The following CHRNA4 variants were observed in gnomAD, a reference collection of about 807,000 sequenced individuals.
CHRNA4 encodes cholinergic receptor nicotinic alpha 4 subunit.
A neutral mutation model predicts 48.9 loss-of-function variants in CHRNA4; 28 were observed. The ratio of observed to expected loss-of-function variants is 0.57; its 90% CI spans 0.42 to 0.79. The LOEUF is 0.79. CHRNA4 is among the 30% of genes least tolerant of loss of function. The pLI is 0.00. For synonymous variants in CHRNA4, 425 were observed against 402.3 expected (o/e 1.06, Z -0.68); for missense variants, 859 against 898.4 (o/e 0.96, Z 0.56).
rs1317529556 is a variant in CHRNA4 at position 63,349,999 on chromosome 20, A to G, written c.1412T>C (p.Met471Thr). 3.9e-6 allele frequency: 6 copies of G among 1,545,724 alleles called. No homozygotes were observed. The African/African-American group carries it at 4.1e-5, about 11-fold the overall frequency. The stretch of plus-strand genomic sequence containing the variant: ...TTCCACCGCTTCGCCAGGGCTGGAC[A>G]TGTGCTGGACGCTGAGGGACCTGGC... ...AKARSLSVQH[M>T]SSPGEAVEGG... The change falls in exon 5 of 6, where the codon ATG becomes ACG. Residue 471 changes from methionine to threonine, a missense_variant. By Grantham distance (81) the Met-to-Thr change is moderately conservative (BLOSUM62 -1). Transcript: ENST00000370263.
At chr20:63,355,508 C>T in intron 4 of CHRNA4, 1 of 1,290,268 alleles carries the variant, frequency 7.8e-7, no homozygotes, top group Non-Finnish European at 1.0e-6. Context: ...CTCTCCAGGG[C>T]ACCCTGCAGT....
chr20:63,346,503 C>T lies in CHRNA4; in HGVS notation c.*235G>A. On this transcript the variant is annotated 3_prime_UTR_variant, in exon 6 of 6. Transcript: ENST00000370263. ...AAGGCGCCGACCCCCACCTCTGCTCCAAGCCACTGCCTCCTGAGGCCACAG... is the reference window on the plus strand; with the variant it reads ...AAGGCGCCGACCCCCACCTCTGCTCTAAGCCACTGCCTCCTGAGGCCACAG... 2 of 693,774 alleles carry T rather than the reference C, an allele frequency of 2.9e-6. No individual in the cohort carries two copies. The highest frequency in any genetic ancestry group is 2.6e-6 in the Non-Finnish European group (1 of 386,464). The allele number at this position is 693,774 out of a possible 1,614,324, so 43.0% of individuals were successfully genotyped here.
rs1225894222 is a variant in CHRNA4, at chr20:63,361,246, TGCCTCCCGC to T, written c.-90_-82del. 5.6e-6 allele frequency: 8 copies of T among 1,425,778 alleles called. No individual in the cohort carries two copies. The African/African-American group carries it at 7.6e-5, about 13-fold the overall frequency. 88.3% of individuals were successfully genotyped at this position (1,425,778 alleles called of 1,614,324 possible). A position where few individuals can be genotyped will look rare whatever the true frequency, so the allele number is the denominator to read the frequency against. Reference sequence around the variant, plus strand: ...CGAGGCCCGTGCGCGCCCAACTTCATGCCTCCCGCGCCTCGCGGGCCGCTTCGGCCGCCG... The same window carrying T: ...CGAGGCCCGTGCGCGCCCAACTTCATGCCTCGCGGGCCGCTTCGGCCGCCG... On this transcript the variant is annotated 5_prime_UTR_variant, in exon 1 of 6. Coordinates refer to ENST00000370263, the MANE Select transcript of CHRNA4 (RefSeq NM_000744.7).
chr20:63,359,888 G>T, intron 1 of CHRNA4, 189 bp from the exon 2 acceptor site: 1 of 515,250 alleles, frequency 1.9e-6, no homozygotes, highest in Non-Finnish European at 3.4e-6. Context: ...TGTGTGTGCC[G>T]GGCGTGTGCT....
chr20:63,353,465 A>AGGGGAGCTGTGGTCCTG (rs2068646809), intron 4 of CHRNA4, among the ~76,000 whole-genome samples: 2 of 35,088 alleles, frequency 5.7e-5, no homozygotes, highest in Non-Finnish European at 5.7e-5. Context: ...CTGTGGTCCT[A>AGGGGAGCTGTGGTCCTG]GGGGGGCTGT....
Position 63,350,342 on chromosome 20 carries a change from G to A in CHRNA4, c.1069C>T (p.Leu357Phe), listed in dbSNP as rs1215991666. 2 of 1,613,570 alleles carry A rather than the reference G, an allele frequency of 1.2e-6. No individual in the cohort carries two copies. Among genetic ancestry groups the A allele is most frequent in the Admixed American group, 3.3e-5 (2 of 60,024 alleles). Residue 357 changes from leucine (L) to phenylalanine (F), a missense_variant, in exon 5 of 6, where the codon CTC becomes TTC. By Grantham distance (22) the Leu-to-Phe change is conservative. Transcript: ENST00000370263. ...VFLDIVPRLLLMKRPSVVKDN... is the reference protein window; with the variant it reads ...VFLDIVPRLLFMKRPSVVKDN... Reference sequence around the variant, plus strand: ...TTGACCACGGACGGCCGCTTCATGAGGAGCAGGCGTGGCACGATGTCCAGG... The same window carrying A: ...TTGACCACGGACGGCCGCTTCATGAAGAGCAGGCGTGGCACGATGTCCAGG...
intron 4 of CHRNA4, chr20:63,355,427 G>T: frequency 9.9e-7 from 1 of 1,007,216 alleles, no homozygotes; most frequent in Non-Finnish European, 1.4e-6. Context: ...GACATGTCCT[G>T]GGCAGAGCGT....
intron 4 of CHRNA4, among the ~76,000 whole-genome samples, chr20:63,353,077 C>T (rs1275502728): frequency 5.9e-5 from 9 of 152,352 alleles, no homozygotes; most frequent in Non-Finnish European, 7.4e-5. Context: ...TGGCGTGAGA[C>T]CCTCTGTCCC....
Position 63,358,906 on chromosome 20 carries a change from G to A in CHRNA4, c.228+642C>T, listed in dbSNP as rs534893969. Among the ~76,000 whole-genome samples the A allele has an allele frequency of 8.5e-4, 128 of 151,448 alleles. 1 individual carries two copies. The highest frequency in any genetic ancestry group is 1.6e-3 in the Non-Finnish European group (111 of 67,892). ...AACCGAGCACAAGGCCGAGCCTCCC[G>A]CAGCTCAGTTCTCTCAGCCTCGAAG... On this transcript the variant is annotated intron_variant, in intron 2 of 5. Coordinates refer to ENST00000370263, the MANE Select transcript of CHRNA4 (RefSeq NM_000744.7).
chr20:63,353,055 G>C (rs1429488280), intron 4 of CHRNA4, among the ~76,000 whole-genome samples: 1 of 152,228 alleles, frequency 6.6e-6, no homozygotes, highest in Non-Finnish European at 1.5e-5. Context: ...TCCTGCTCCA[G>C]GGCCCACAGG....
At position 63,350,643 on chromosome 20, in the gene CHRNA4, G is replaced by A. The variant is rs774288629; in HGVS notation, c.768C>T (p.Leu256=). ...YTINLIIPCL[L]ISCLTVLVFY... Reference sequence around the variant, plus strand: ...AGACCAGCACGGTGAGGCAGGAGATGAGCAGGCAGGGGATGATGAGGTTGA... The same window carrying A: ...AGACCAGCACGGTGAGGCAGGAGATAAGCAGGCAGGGGATGATGAGGTTGA... Residue 256 remains leucine (L), a synonymous_variant, in exon 5 of 6, where the codon CTC becomes CTT. Transcript: ENST00000370263. 1.3e-5 allele frequency: 21 copies of A among 1,614,078 alleles called. No homozygotes were observed. In the South Asian group the frequency reaches 2.2e-4, roughly 17 times the overall value.
In CHRNA4 at chr20:63,349,777, G is replaced by A. The variant is rs121912282; in HGVS notation, c.1634C>T (p.Thr545Met). 103 of 1,610,432 alleles carry A rather than the reference G, an allele frequency of 6.4e-5. No individual in the cohort carries two copies. The highest frequency in any genetic ancestry group is 1.6e-4 in the Middle Eastern group (1 of 6,076). Residue 545 changes from threonine to methionine, a missense_variant, in exon 5 of 6, where the codon ACG becomes ATG. Thr to Met is a moderately conservative substitution (Grantham distance 81). Transcript: ENST00000370263. ...CGCTTTGGTGCTGCGGGTCTTGACC[G>A]TGGCGCTCGGGGACACCGAAGAGGG... ...KEPSSVSPSA[T>M]VKTRSTKAPP...
intron 4 of CHRNA4, among the ~76,000 whole-genome samples, chr20:63,352,248 G>A (rs560115870): frequency 6.6e-6 from 1 of 152,254 alleles, no homozygotes; most frequent in East Asian, 1.9e-4. Context: ...CTTCCTCTGT[G>A]CCTGCCCCCG....
chr20:63,354,092 G>A (rs2068676287), intron 4 of CHRNA4, among the ~76,000 whole-genome samples: 1 of 124,540 alleles, frequency 8.0e-6, no homozygotes, highest in Admixed American at 7.7e-5. Context: ...CAGTTCTGCA[G>A]GAGGCACTGT....
At chr20:63,358,385 C>T (rs2068751105) in intron 2 of CHRNA4, among the ~76,000 whole-genome samples, 1 of 152,220 alleles carries the variant, frequency 6.6e-6, no homozygotes, top group Non-Finnish European at 1.5e-5. Flanking sequence ...CCCAGGGTTA[C>T]CCAACACGCA....
In CHRNA4 at chr20:63,350,652, G is replaced by A; in HGVS notation, c.759C>T (p.Pro253=). The A allele has an allele frequency of 6.2e-7, 1 of 1,614,074 alleles. No homozygotes were observed. Among genetic ancestry groups the A allele is most frequent in the East Asian group, 2.2e-5 (1 of 44,878 alleles). Residue 253 remains proline (P), a synonymous_variant, in exon 5 of 6, where the codon CCC becomes CCT. Transcript: ENST00000370263. ...PLFYTINLII[P]CLLISCLTVL... is the part of the protein sequence containing the mutation. ...CGGTGAGGCAGGAGATGAGCAGGCA[G>A]GGGATGATGAGGTTGATGGTGTAGA... is the stretch of plus-strand genomic sequence containing the variant.
rs1381359197 is a variant in CHRNA4 at position 63,344,786 on chromosome 20, T to C, written c.*1952A>G. ...TTCCATGGCCCCGGGATGACCTCAC[T>C]CTCCCAGGGTCTCCCTGCGTCCTGG... On this transcript the variant is annotated 3_prime_UTR_variant, in exon 6 of 6. Coordinates refer to ENST00000370263, the MANE Select transcript of CHRNA4 (RefSeq NM_000744.7). The surrounding 1 kb of genome is among the most constrained non-coding windows in gnomAD (Gnocchi z 4.5). The C allele has an allele frequency of 8.8e-6, 4 of 453,592 alleles. No homozygotes were observed. The highest frequency in any genetic ancestry group is 7.1e-5 in the Admixed American group (3 of 42,520). The allele number at this position is 453,592 out of a possible 1,614,324, so 28.1% of individuals were successfully genotyped here.
Position 63,350,942 on chromosome 20 carries a change from A to T in CHRNA4, c.469T>A (p.Tyr157Asn). 15 of 1,613,886 alleles carry T rather than the reference A, an allele frequency of 9.3e-6. No individual in the cohort carries two copies. Among genetic ancestry groups the T allele is most frequent in the Non-Finnish European group, 1.3e-5 (15 of 1,180,008 alleles). ...ACGTCGATGCTGCAGGAGCTCTTGTAAATGGCCGGGGGAGTCCACTGCACC... is the reference window on the plus strand; with the variant it reads ...ACGTCGATGCTGCAGGAGCTCTTGTTAATGGCCGGGGGAGTCCACTGCACC... ...GRVQWTPPAI[Y>N]KSSCSIDVTF... is the part of the protein sequence containing the mutation. Residue 157 changes from tyrosine (Y) to asparagine (N), a missense_variant, in exon 5 of 6, where the codon TAC (tyrosine) becomes AAC (asparagine). Around this residue, in one of 3 missense-constraint regions of CHRNA4, gnomAD observed 342 missense variants for 365.3 expected, o/e 0.94. Coordinates refer to ENST00000370263, the MANE Select transcript of CHRNA4 (RefSeq NM_000744.7).
intron 2 of CHRNA4, among the ~76,000 whole-genome samples, chr20:63,357,002 T>G (rs59563492): frequency 0.025 from 265 of 10,480 alleles, 1 homozygote; most frequent in Admixed American, 0.03. Context: ...CGACCACATC[T>G]CCATGGACCA....
Sources: allele counts gnomAD v4.1 joint callset (sites outside exome capture counted in the v4.1 genomes callset), GRCh38; gene constraint gnomAD v4.1.1; regional missense constraint gnomAD v4.1.1; non-coding constraint Gnocchi (gnomAD v3.1); transcripts MANE v1.5; gene names NCBI Gene and HGNC (gene_info 2026-07-23, HGNC 2026-07-21).